The following CCDC192 variants were observed in gnomAD, a reference collection of about 807,000 sequenced individuals.
CCDC192 encodes the protein coiled-coil domain-containing protein 192.
intron 5 of CCDC192, among the ~76,000 whole-genome samples, chr5:127,811,900 A>G (rs1473717356): frequency 1.3e-5 from 2 of 152,180 alleles, no homozygotes; most frequent in African/African-American, 4.8e-5. Context: ...TCCCTGCCCC[A>G]GTAAATTGGA....
intron 6 of CCDC192, among the ~76,000 whole-genome samples, chr5:127,918,028 A>G (rs1366468805): frequency 6.6e-6 from 1 of 151,938 alleles, no homozygotes. Flanking sequence ...CCAGCTATTC[A>G]GGAGGCTGAG....
chr5:127,766,408 C>A (rs948963518), intron 3 of CCDC192, among the ~76,000 whole-genome samples: 2 of 151,984 alleles, frequency 1.3e-5, no homozygotes, highest in East Asian at 3.9e-4. Context: ...TCAATTTCCT[C>A]CCTAAGGAAC....
intron 6 of CCDC192, among the ~76,000 whole-genome samples, chr5:127,936,863 G>A (rs1007823913): frequency 6.6e-6 from 1 of 152,178 alleles, no homozygotes; most frequent in African/African-American, 2.4e-5. Flanking sequence ...ACAGGTGTGT[G>A]AAGTGTGGGA....
In CCDC192 at chr5:127,895,367, G is replaced by A. The variant is rs114316146; in HGVS notation, c.535+19706G>A. 3.8e-3 allele frequency among the ~76,000 whole-genome samples: 584 copies of A among 152,250 alleles called. 2 individuals carry two copies. Among genetic ancestry groups the A allele is most frequent in the African/African-American group, 0.013 (551 of 41,534 alleles). On this transcript the variant is annotated intron_variant, in intron 6 of 6. Coordinates refer to ENST00000514853, the MANE Select transcript of CCDC192 (RefSeq NM_001317938.2). The stretch of plus-strand genomic sequence containing the variant: ...TATTTTACAGAAAAGAAAAGCCAAC[G>A]CCCAGAGAGATCAAAAGATTGAAGC...
intron 5 of CCDC192, among the ~76,000 whole-genome samples, chr5:127,843,885 G>A (rs577719002): frequency 3.2e-4 from 48 of 152,256 alleles, no homozygotes; most frequent in African/African-American, 1.1e-3. Flanking sequence ...TGTAAGAAGG[G>A]AAAAAAGTAG....
intron 3 of CCDC192, among the ~76,000 whole-genome samples, chr5:127,759,559 A>G (rs1414968792): frequency 1.3e-5 from 2 of 152,186 alleles, no homozygotes; most frequent in Non-Finnish European, 2.9e-5. Context: ...AGAAAGAAAG[A>G]AATTCCCATT....
chr5:127,880,349 A>G (rs1752296222), intron 6 of CCDC192, among the ~76,000 whole-genome samples: 1 of 151,410 alleles, frequency 6.6e-6, no homozygotes, highest in Non-Finnish European at 1.5e-5. Context: ...AACTATCCCA[A>G]GAACAAAAAA....
intron 2 of CCDC192, among the ~76,000 whole-genome samples, chr5:127,732,837 G>A (rs1053900356): frequency 6.6e-6 from 1 of 152,156 alleles, no homozygotes; most frequent in African/African-American, 2.4e-5. Context: ...ACTGGGGCCT[G>A]CAAGGGTGAG....
intron 6 of CCDC192, among the ~76,000 whole-genome samples, chr5:127,924,360 C>A (rs1031480969): frequency 2.6e-5 from 4 of 152,116 alleles, no homozygotes; most frequent in Non-Finnish European, 5.9e-5. Context: ...GTGGTTAGAA[C>A]CAGAAAACAC....
chr5:127,827,292 C>G (rs989136680), intron 5 of CCDC192, among the ~76,000 whole-genome samples: 1 of 152,158 alleles, frequency 6.6e-6, no homozygotes, highest in Non-Finnish European at 1.5e-5. Flanking sequence ...GCACCAAGTA[C>G]CCATTTGGTC....
At chr5:127,760,180 A>C (rs1342293522) in intron 3 of CCDC192, among the ~76,000 whole-genome samples, 1 of 152,088 alleles carries the variant, frequency 6.6e-6, no homozygotes, top group African/African-American at 2.4e-5. Flanking sequence ...CATCAATTTC[A>C]AGACACTTTT....
intron 2 of CCDC192, among the ~76,000 whole-genome samples, chr5:127,732,549 T>C (rs931665395): frequency 2.0e-5 from 3 of 152,202 alleles, no homozygotes; most frequent in Non-Finnish European, 4.4e-5. Flanking sequence ...CACGCATATG[T>C]TCATTGCAGC....
rs370047755 is a variant in CCDC192, at chr5:127,929,667, AT to A, written c.536-11508del. Among the ~76,000 whole-genome samples the A allele has an allele frequency of 2.0e-3, 300 of 152,192 alleles. 1 individual carries two copies. The highest frequency in any genetic ancestry group is 7.0e-3 in the African/African-American group (292 of 41,518). On this transcript the variant is annotated intron_variant, in intron 6 of 6. Transcript: ENST00000514853. ...ATCCTTTATCCCATCTTTCTCAAAA[AT>A]TTTTTTCAGTCATTATCAAAGAATA... is the stretch of plus-strand genomic sequence containing the variant.
At chr5:127,780,552 T>C (rs1756151253) in intron 3 of CCDC192, among the ~76,000 whole-genome samples, 1 of 152,228 alleles carries the variant, frequency 6.6e-6, no homozygotes, top group Admixed American at 6.5e-5. Context: ...GTGGTTTTGA[T>C]TTGCATTTTC....
At chr5:127,772,614 G>A (rs1410325305) in intron 3 of CCDC192, among the ~76,000 whole-genome samples, 1 of 152,120 alleles carries the variant, frequency 6.6e-6, no homozygotes, top group African/African-American at 2.4e-5. Flanking sequence ...AAAAAGAGAT[G>A]TGCTTCTTCC....
chr5:127,889,976 T>C (rs1380865252), intron 6 of CCDC192, among the ~76,000 whole-genome samples: 2 of 152,166 alleles, frequency 1.3e-5, no homozygotes, highest in Non-Finnish European at 2.9e-5. Flanking sequence ...GATGTTTGCT[T>C]CCATCTGTTT....
At chr5:127,871,927 G>C (rs991933745) in intron 5 of CCDC192, among the ~76,000 whole-genome samples, 12 of 152,212 alleles carry the variant, frequency 7.9e-5, no homozygotes, top group Non-Finnish European at 1.0e-4. Context: ...AATCACCAAA[G>C]AGAGTTCCTA....
intron 4 of CCDC192, among the ~76,000 whole-genome samples, chr5:127,797,671 A>T (rs1382522292): frequency 6.8e-6 from 1 of 147,972 alleles, no homozygotes; most frequent in African/African-American, 2.5e-5. Context: ...ATGTAAATTT[A>T]CCTCTTGTTC....
intron 3 of CCDC192, among the ~76,000 whole-genome samples, chr5:127,771,443 T>C (rs1330926351): frequency 6.6e-6 from 1 of 152,168 alleles, no homozygotes; most frequent in East Asian, 1.9e-4. Flanking sequence ...GAAGCAAAAG[T>C]ATGGGATGAT....
Sources: allele counts gnomAD v4.1 joint callset (sites outside exome capture counted in the v4.1 genomes callset), GRCh38; gene constraint gnomAD v4.1.1; transcripts MANE v1.5; gene names NCBI Gene and HGNC (gene_info 2026-07-23, HGNC 2026-07-21).